The following PLSCR4 variants were observed in gnomAD, a reference collection of about 807,000 sequenced individuals.
PLSCR4 encodes the protein Ca(2+)-dependent phospholipid scramblase 4.
In PLSCR4, 25 loss-of-function variants were observed where a neutral mutation model predicts 36.3. That is an observed-to-expected ratio of 0.69 (90% CI 0.50 to 0.96). PLSCR4 has a LOEUF of 0.96. PLSCR4 is among the 40% of genes least tolerant of loss of function. The pLI is 0.00. For missense variants in PLSCR4, 408 were observed against 414.7 expected (o/e 0.98, Z 0.14); for synonymous variants, 122 against 132.9 (o/e 0.92, Z 0.56).
chr3:146,213,085 A>T (rs1380493926), intron 3 of PLSCR4, among the ~76,000 whole-genome samples: 1 of 152,182 alleles, frequency 6.6e-6, no homozygotes, highest in Non-Finnish European at 1.5e-5. Flanking sequence ...CCACTTGGTC[A>T]TGGTGTTTAA....
chr3:146,232,248 A>C (rs577987153), intron 1 of PLSCR4, among the ~76,000 whole-genome samples: 1 of 152,234 alleles, frequency 6.6e-6, no homozygotes, highest in East Asian at 1.9e-4. Context: ...CTGTGGCTTT[A>C]TAATACAGTT....
intron 7 of PLSCR4, chr3:146,196,371 AC>A (rs1242855386): frequency 2.6e-6 from 1 of 384,392 alleles, no homozygotes; most frequent in African/African-American, 2.0e-5. Flanking sequence ...CAAGCTATTT[AC>A]TCTCAGAATA....
chr3:146,241,617 G>A (rs982454434), intron 1 of PLSCR4, among the ~76,000 whole-genome samples: 2 of 152,054 alleles, frequency 1.3e-5, no homozygotes, highest in Non-Finnish European at 2.9e-5. Context: ...ACAAGAACAA[G>A]CAGAGGAAAA....
chr3:146,248,344 G>A (rs2107873951), intron 1 of PLSCR4, among the ~76,000 whole-genome samples: 1 of 152,140 alleles, frequency 6.6e-6, no homozygotes, highest in African/African-American at 2.4e-5. Flanking sequence ...TTATACACAC[G>A]CATACATTAT....
intron 4 of PLSCR4, among the ~76,000 whole-genome samples, chr3:146,204,791 CAAGTA>C (rs1179426534): frequency 6.6e-6 from 1 of 151,942 alleles, no homozygotes; most frequent in African/African-American, 2.4e-5. Context: ...TATTTATCAC[CAAGTA>C]TAGAAATGAG....
intron 1 of PLSCR4, among the ~76,000 whole-genome samples, chr3:146,236,699 C>T (rs2867082): frequency 0.65 from 99,219 of 151,964 alleles, 35,338 homozygotes; most frequent in Non-Finnish European, 0.8. Context: ...CATGTGGAAC[C>T]GTAAGACCGT....
At chr3:146,224,635 T>G (rs138357475) in intron 1 of PLSCR4, among the ~76,000 whole-genome samples, 1 of 152,064 alleles carries the variant, frequency 6.6e-6, no homozygotes, top group Non-Finnish European at 1.5e-5. Context: ...GCAAGATTTA[T>G]TGCAAACAGC....
chr3:146,205,855 C>A (rs2034299597), intron 4 of PLSCR4, among the ~76,000 whole-genome samples: 1 of 152,020 alleles, frequency 6.6e-6, no homozygotes, highest in Non-Finnish European at 1.5e-5. Flanking sequence ...TTTCATTAAG[C>A]AGGTTTTTTA....
chr3:146,209,542 T>C (rs1324169134), intron 3 of PLSCR4, among the ~76,000 whole-genome samples: 3 of 152,146 alleles, frequency 2.0e-5, no homozygotes, highest in Non-Finnish European at 2.9e-5. Context: ...CATTTCACTA[T>C]GTTTTTTTAA....
chr3:146,196,834 A>AT, intron 6 of PLSCR4, 41 bp from the exon 7 acceptor site: 1 of 1,561,618 alleles, frequency 6.4e-7, no homozygotes, highest in Non-Finnish European at 8.8e-7. Flanking sequence ...TGCTACATGC[A>AT]TACACATACA....
chr3:146,213,535 C>A (rs907310912), intron 3 of PLSCR4, among the ~76,000 whole-genome samples: 1 of 152,048 alleles, frequency 6.6e-6, no homozygotes, highest in Non-Finnish European at 1.5e-5. Context: ...GTTGGTCAGG[C>A]TGGTCTCAAA....
intron 3 of PLSCR4, among the ~76,000 whole-genome samples, chr3:146,209,750 C>T (rs1017236215): frequency 6.6e-6 from 1 of 151,978 alleles, no homozygotes; most frequent in African/African-American, 2.4e-5. Flanking sequence ...GCAACAGACC[C>T]TAACTTATTG....
At chr3:146,205,025 G>T (rs1219590833) in intron 4 of PLSCR4, among the ~76,000 whole-genome samples, 1 of 151,884 alleles carries the variant, frequency 6.6e-6, no homozygotes, top group Admixed American at 6.6e-5. Context: ...ATAGTTTTCA[G>T]CACACAAGAT....
chr3:146,229,619 T>TTATA (rs1277798815), intron 1 of PLSCR4, among the ~76,000 whole-genome samples: 19 of 133,340 alleles, frequency 1.4e-4, no homozygotes, highest in African/African-American at 4.4e-4. Context: ...ATTTATTTAT[T>TTATA]TATTTATTTA....
At chr3:146,209,262 G>T (rs113798065) in intron 3 of PLSCR4, among the ~76,000 whole-genome samples, 8 of 152,016 alleles carry the variant, frequency 5.3e-5, no homozygotes, top group Non-Finnish European at 1.2e-4. Context: ...GGGGGCTCAG[G>T]GGTAATGATG....
At chr3:146,249,672 A>T (rs897427530) in intron 1 of PLSCR4, among the ~76,000 whole-genome samples, 2 of 151,112 alleles carry the variant, frequency 1.3e-5, no homozygotes, top group African/African-American at 4.8e-5. Context: ...TATTTGTAAT[A>T]TATTATACAT....
chr3:146,217,348 G>A (rs564942737), intron 3 of PLSCR4, among the ~76,000 whole-genome samples: 13 of 152,266 alleles, frequency 8.5e-5, no homozygotes, highest in Middle Eastern at 3.4e-3. Flanking sequence ...ACAGGCAAAC[G>A]GACAAGAACA....
chr3:146,228,441 G>T (rs529631893), intron 1 of PLSCR4, among the ~76,000 whole-genome samples: 2 of 151,410 alleles, frequency 1.3e-5, no homozygotes, highest in African/African-American at 4.9e-5. Context: ...CATGAGCATT[G>T]TTTGTATGAA....
At position 146,233,784 on chromosome 3, in the gene PLSCR4, A is replaced by C. The variant is rs182914686; in HGVS notation, c.-21-11692T>G. 6.3e-3 allele frequency among the ~76,000 whole-genome samples: 963 copies of C among 152,272 alleles called. 5 individuals are homozygous for C. Among genetic ancestry groups the C allele is most frequent in the Non-Finnish European group, 0.01 (699 of 68,000 alleles). On this transcript the variant is annotated intron_variant, in intron 1 of 8. Coordinates refer to ENST00000354952, the MANE Select transcript of PLSCR4 (RefSeq NM_020353.3). Reference sequence around the variant, plus strand: ...AAAAACCAGCATCAGAGGCCAACTTAGTATTCTACAAAACAAACCCTACTG... The same window carrying C: ...AAAAACCAGCATCAGAGGCCAACTTCGTATTCTACAAAACAAACCCTACTG...
Sources: gnomAD v4.1 joint callset for allele counts (sites outside exome capture counted in the v4.1 genomes callset) on GRCh38, gnomAD v4.1.1 for gene constraint, MANE v1.5 for transcripts, NCBI Gene and HGNC (gene_info 2026-07-23, HGNC 2026-07-21) for gene names.